Variants in SLCO3A1 observed in about 807,000 individuals in gnomAD.
The protein encoded by SLCO3A1 is solute carrier organic anion transporter family member 3A1, also known as PGE1 transporter.
A neutral mutation model predicts 63.1 loss-of-function variants in SLCO3A1; 27 were observed. The ratio of observed to expected loss-of-function variants is 0.43; its 90% CI spans 0.32 to 0.59. The LOEUF (loss-of-function observed/expected upper bound fraction) is 0.59. Ranked by LOEUF, SLCO3A1 falls within the 20% of genes least tolerant of loss-of-function variation. The probability of loss-of-function intolerance (pLI) is 0.09; values close to 1 mark genes in which losing one functional copy is unlikely to be tolerated. For missense variants in SLCO3A1, 773 were observed against 945.8 expected (o/e 0.82, Z 2.40); for synonymous variants, 473 against 409.9 (o/e 1.15, Z -1.86).
At chr15:92,157,505 T>C (rs981262977) in intron 9 of SLCO3A1, among the ~76,000 whole-genome samples, 9 of 151,498 alleles carry the variant, frequency 5.9e-5, no homozygotes, top group Non-Finnish European at 1.3e-4. Flanking sequence ...TTTTTTTTTT[T>C]TTTTGAGACC....
intron 1 of SLCO3A1, among the ~76,000 whole-genome samples, chr15:91,893,420 C>A (rs1897920749): frequency 6.6e-6 from 1 of 152,192 alleles, no homozygotes; most frequent in South Asian, 2.1e-4. Context: ...GATCAAAGTA[C>A]TGGCTGATCT....
At chr15:92,123,831 GACAA>G (rs1396556904) in intron 5 of SLCO3A1, among the ~76,000 whole-genome samples, 1 of 152,052 alleles carries the variant, frequency 6.6e-6, no homozygotes, top group Non-Finnish European at 1.5e-5. Context: ...ATCTTCTATC[GACAA>G]ACAAATCAAT....
intron 4 of SLCO3A1, among the ~76,000 whole-genome samples, chr15:92,116,183 C>G (rs889359683): frequency 6.6e-6 from 1 of 152,122 alleles, no homozygotes; most frequent in Non-Finnish European, 1.5e-5. Context: ...ATTGTGGGAG[C>G]AGATAGGTAA....
At chr15:91,932,515 G>A (rs951606409) in intron 2 of SLCO3A1, among the ~76,000 whole-genome samples, 4 of 151,626 alleles carry the variant, frequency 2.6e-5, no homozygotes, top group African/African-American at 4.8e-5. Flanking sequence ...GCATGATCTC[G>A]GCTCACAGGA....
chr15:91,929,696 A>G (rs1247549799), intron 2 of SLCO3A1, among the ~76,000 whole-genome samples: 1 of 152,068 alleles, frequency 6.6e-6, no homozygotes, highest in Non-Finnish European at 1.5e-5. Context: ...AACAACTCCC[A>G]TTCCACCCCC....
chr15:92,115,219 A>G (rs1180329227), intron 4 of SLCO3A1, among the ~76,000 whole-genome samples: 1 of 152,052 alleles, frequency 6.6e-6, no homozygotes, highest in Non-Finnish European at 1.5e-5. Context: ...GGACAAGTAC[A>G]TTGCTTCCTG....
At chr15:92,113,869 T>C (rs2047759442) in intron 4 of SLCO3A1, among the ~76,000 whole-genome samples, 1 of 152,180 alleles carries the variant, frequency 6.6e-6, no homozygotes, top group South Asian at 2.1e-4. Context: ...ATTGCCCCCA[T>C]AGGCCAGGAG....
intron 2 of SLCO3A1, among the ~76,000 whole-genome samples, chr15:91,937,611 T>A (rs1899460215): frequency 6.7e-6 from 1 of 150,280 alleles, no homozygotes; most frequent in Non-Finnish European, 1.5e-5. Context: ...CCCAGCTACT[T>A]GGGGGGCTGA....
chr15:92,030,027 G>GT (rs2151478729), intron 2 of SLCO3A1, among the ~76,000 whole-genome samples: 1 of 152,238 alleles, frequency 6.6e-6, no homozygotes, highest in Admixed American at 6.5e-5. Flanking sequence ...CTACATTTTC[G>GT]TAACAGTTGG....
intron 2 of SLCO3A1, among the ~76,000 whole-genome samples, chr15:92,021,411 A>G (rs1032170043): frequency 1.3e-5 from 2 of 152,224 alleles, no homozygotes; most frequent in African/African-American, 4.8e-5. Context: ...GAGAGACAAA[A>G]TGAGTAAATA....
intron 4 of SLCO3A1, among the ~76,000 whole-genome samples, chr15:92,116,726 C>T (rs2047799785): frequency 6.6e-6 from 1 of 152,234 alleles, no homozygotes; most frequent in African/African-American, 2.4e-5. Context: ...AATAGCCCTT[C>T]TCAAACTAGG....
At chr15:92,111,472 A>G (rs1202493799) in intron 4 of SLCO3A1, among the ~76,000 whole-genome samples, 1 of 151,906 alleles carries the variant, frequency 6.6e-6, no homozygotes, top group African/African-American at 2.4e-5. Context: ...TCCTGATTCC[A>G]TGGTGAAGGA....
At chr15:92,012,765 G>A (rs911815039) in intron 2 of SLCO3A1, among the ~76,000 whole-genome samples, 1 of 141,626 alleles carries the variant, frequency 7.1e-6, no homozygotes, top group African/African-American at 2.6e-5. Flanking sequence ...AAAAAAAAAG[G>A]CTCAGACGAG....
intron 1 of SLCO3A1, chr15:91,908,593 T>C (rs1898384742): frequency 6.6e-6 from 1 of 152,092 alleles, no homozygotes; most frequent in African/African-American, 2.4e-5. Flanking sequence ...GCTGTCTAGA[T>C]GAGAAACAAA....
rs1325056688 is a variant in SLCO3A1, at chr15:91,856,199, T to C, written c.180+2111T>C. On this transcript the variant is annotated intron_variant, in intron 1 of 9. Transcript: ENST00000318445. The surrounding 1 kb of genome is among the most constrained non-coding windows in gnomAD (Gnocchi z 4.9). ...GCATCCTGGCACTTCTAGCCTTCGC[T>C]GATGGAAAGCCTGGTTGGGTGGGGT... Among the ~76,000 whole-genome samples the C allele has an allele frequency of 6.6e-6, 1 of 152,000 alleles. No homozygotes were observed. The highest frequency in any genetic ancestry group is 1.5e-5 in the Non-Finnish European group (1 of 68,010).
rs1440886434 is a variant in SLCO3A1 at position 91,865,976 on chromosome 15, C to G, written c.180+11888C>G. 2.0e-5 allele frequency among the ~76,000 whole-genome samples: 3 copies of G among 152,146 alleles called. No individual in the cohort carries two copies. The highest frequency in any genetic ancestry group is 4.8e-5 in the African/African-American group (2 of 41,412). ...TGAGGTAGGAGGATTGTTGGATATT[C>G]GTAAGAGAGTCGTTCATACCCAAAG... On this transcript the variant is annotated intron_variant, in intron 1 of 9. Coordinates refer to ENST00000318445, the MANE Select transcript of SLCO3A1 (RefSeq NM_013272.4). The surrounding 1 kb of genome is among the most constrained non-coding windows in gnomAD (Gnocchi z 4.6).
At chr15:92,032,894 G>A (rs2151481026) in intron 2 of SLCO3A1, among the ~76,000 whole-genome samples, 1 of 145,992 alleles carries the variant, frequency 6.8e-6, no homozygotes, top group Admixed American at 7.0e-5. Context: ...ACAGCTGGCA[G>A]CTGTGATAGG....
chr15:92,098,102 C>G (rs1325069984), intron 3 of SLCO3A1: 1 of 152,346 alleles, frequency 6.6e-6, no homozygotes, highest in Non-Finnish European at 1.5e-5. Context: ...GGGGAAGGAG[C>G]AAGGCAGGTC....
intron 1 of SLCO3A1, among the ~76,000 whole-genome samples, chr15:91,880,841 A>G (rs1382365869): frequency 6.6e-6 from 1 of 152,170 alleles, no homozygotes; most frequent in Admixed American, 6.5e-5. Flanking sequence ...AAAAGCACAG[A>G]ATCAGGAAGC....
Sources: allele counts gnomAD v4.1 joint callset (sites outside exome capture counted in the v4.1 genomes callset), GRCh38; gene constraint gnomAD v4.1.1; non-coding constraint Gnocchi (gnomAD v3.1); transcripts MANE v1.5; gene names NCBI Gene and HGNC (gene_info 2026-07-23, HGNC 2026-07-21).